Variants in LYPLAL1 observed in about 807,000 individuals in gnomAD.
LYPLAL1 encodes the protein lysophospholipase-like protein 1.
LYPLAL1 carries 23 observed loss-of-function variants against 19.7 expected under a neutral mutation model. The observed-to-expected ratio is 1.17, with a 90% CI of 0.84 to 1.65. The LOEUF (loss-of-function observed/expected upper bound fraction) is 1.65, where lower values mean the gene tolerates loss of function less well. Ranked by LOEUF, LYPLAL1 falls within the 40% of genes most tolerant of loss-of-function variation. LYPLAL1 has a pLI of 0.00. For synonymous variants in LYPLAL1, 119 were observed against 96.3 expected (o/e 1.24, Z -1.38); for missense variants, 355 against 279.4 (o/e 1.27, Z -1.93).
At chr1:219,324,076 T>C in the LYPLAL1 span, among the ~76,000 whole-genome samples, 3 of 152,216 alleles carry the variant, frequency 2.0e-5, no homozygotes, top group African/African-American at 7.2e-5. Context: ...GGTTCTTTCT[T>C]ACCCACTGTA....
the LYPLAL1 span, among the ~76,000 whole-genome samples, chr1:219,339,496 T>G: frequency 6.6e-6 from 1 of 152,046 alleles, no homozygotes; most frequent in Non-Finnish European, 1.5e-5. Flanking sequence ...AACAAAAAAC[T>G]TTTGCATACA....
the LYPLAL1 span, chr1:219,271,322 C>G: frequency 8.7e-4 from 132 of 150,966 alleles, no homozygotes; most frequent in African/African-American, 3.1e-3. Context: ...CTAGCTTGTG[C>G]TAATCCCCAC....
At chr1:219,269,933 GAC>G in the LYPLAL1 span, among the ~76,000 whole-genome samples, 208 of 152,274 alleles carry the variant, frequency 1.4e-3, 1 homozygote, top group Admixed American at 9.9e-3. Context: ...TCCCAGAAGT[GAC>G]AAAAATATGA....
the LYPLAL1 span, among the ~76,000 whole-genome samples, chr1:219,375,693 A>C: frequency 2.9e-4 from 44 of 151,988 alleles, no homozygotes; most frequent in African/African-American, 1.0e-3. Flanking sequence ...AACCACAGCA[A>C]TCTTGAAAAA....
the LYPLAL1 span, among the ~76,000 whole-genome samples, chr1:219,344,673 C>T: frequency 6.6e-6 from 1 of 152,156 alleles, no homozygotes; most frequent in Non-Finnish European, 1.5e-5. Context: ...ATGTTTCTCC[C>T]CTGAGCCTGC....
chr1:219,305,771 G>C, the LYPLAL1 span, among the ~76,000 whole-genome samples: 1 of 152,168 alleles, frequency 6.6e-6, no homozygotes, highest in Admixed American at 6.5e-5. Flanking sequence ...TGATTCCTCT[G>C]CTGAGAGAAA....
the LYPLAL1 span, among the ~76,000 whole-genome samples, chr1:219,281,068 A>G: frequency 3.3e-5 from 5 of 152,138 alleles, no homozygotes; most frequent in East Asian, 9.6e-4. Context: ...AAATAAGTAG[A>G]CAGATAATAA....
At chr1:219,238,226 C>T in the LYPLAL1 span, among the ~76,000 whole-genome samples, 1 of 150,640 alleles carries the variant, frequency 6.6e-6, no homozygotes, top group Non-Finnish European at 1.5e-5. Context: ...CAACCTCCAC[C>T]TCCCGGGTTC....
the LYPLAL1 span, among the ~76,000 whole-genome samples, chr1:219,331,801 C>T: frequency 1.3e-5 from 2 of 152,044 alleles, no homozygotes; most frequent in African/African-American, 4.8e-5. Context: ...GCTAGTGGTG[C>T]GTTGGAGAGG....
chr1:219,277,082 AAATCT>A, the LYPLAL1 span, among the ~76,000 whole-genome samples: 1 of 152,186 alleles, frequency 6.6e-6, no homozygotes, highest in African/African-American at 2.4e-5. Flanking sequence ...TGGCAAAAAC[AAATCT>A]AATATCTAGA....
chr1:219,218,804 T>C, the LYPLAL1 span, among the ~76,000 whole-genome samples: 1 of 152,170 alleles, frequency 6.6e-6, no homozygotes, highest in African/African-American at 2.4e-5. Flanking sequence ...TTGTTTCATG[T>C]AGCATTGAAT....
the LYPLAL1 span, among the ~76,000 whole-genome samples, chr1:219,400,784 G>A: frequency 1.3e-5 from 2 of 152,186 alleles, no homozygotes; most frequent in Non-Finnish European, 2.9e-5. Context: ...ATAGGCATGA[G>A]CCACTGCACC....
the LYPLAL1 span, among the ~76,000 whole-genome samples, chr1:219,413,141 GA>G: frequency 1.6e-3 from 240 of 147,330 alleles, 1 homozygote; most frequent in Middle Eastern, 6.9e-3. Context: ...TCTTGACAAA[GA>G]AAAAAAAAAT....
chr1:219,314,620 AT>A, the LYPLAL1 span, among the ~76,000 whole-genome samples: 19 of 151,896 alleles, frequency 1.3e-4, no homozygotes, highest in African/African-American at 4.6e-4. Context: ...AATTTTTCGT[AT>A]TTTTAGTAGA....
chr1:219,416,973 C>T, the LYPLAL1 span, among the ~76,000 whole-genome samples: 1 of 152,240 alleles, frequency 6.6e-6, no homozygotes, highest in Non-Finnish European at 1.5e-5. Flanking sequence ...GTGCCATTTT[C>T]AGCTCATTAT....
At chr1:219,434,935 G>C in the LYPLAL1 span, among the ~76,000 whole-genome samples, 1 of 151,974 alleles carries the variant, frequency 6.6e-6, no homozygotes, top group Admixed American at 6.6e-5. Context: ...TAATGGTCCA[G>C]CTTGTCTGGA....
At chr1:219,178,134 A>G (rs564495223) in intron 1 of LYPLAL1, among the ~76,000 whole-genome samples, 1 of 152,346 alleles carries the variant, frequency 6.6e-6, no homozygotes, top group African/African-American at 2.4e-5. Flanking sequence ...TAACTCAGAT[A>G]AAATACATCA....
At chr1:219,254,093 A>G in the LYPLAL1 span, among the ~76,000 whole-genome samples, 1 of 152,054 alleles carries the variant, frequency 6.6e-6, no homozygotes, top group African/African-American at 2.4e-5. Context: ...TGAAATTAAG[A>G]TCGCAACCCC....
chr1:219,218,701 C>G, the LYPLAL1 span, among the ~76,000 whole-genome samples: 1 of 152,058 alleles, frequency 6.6e-6, no homozygotes, highest in African/African-American at 2.4e-5. Context: ...TAAGCATATT[C>G]CTATATTGAA....
Sources: gnomAD v4.1 joint callset for allele counts (sites outside exome capture counted in the v4.1 genomes callset) on GRCh38, gnomAD v4.1.1 for gene constraint, MANE v1.5 for transcripts, NCBI Gene and HGNC (gene_info 2026-07-23, HGNC 2026-07-21) for gene names.